RMI1: variants seen among roughly 807,000 people sequenced by gnomAD.
The protein encoded by RMI1 is RecQ mediated genome instability 1.
Under a neutral mutation model 46.7 loss-of-function variants are expected in RMI1, and 36 were observed. The ratio of observed to expected loss-of-function variants is 0.77; its 90% CI spans 0.59 to 1.02. The LOEUF (loss-of-function observed/expected upper bound fraction) is 1.02. Among genes scored for constraint, RMI1 ranks in the 50% least tolerant of loss-of-function variants. RMI1 has a pLI of 0.00. For missense variants in RMI1, 676 were observed against 713.7 expected (o/e 0.95, Z 0.60); for synonymous variants, 250 against 252.9 (o/e 0.99, Z 0.11).
At chr9:83,980,372 G>A (rs939058348), upstream of RMI1, 6 of 152,530 alleles carry the variant, frequency 3.9e-5, no homozygotes, top group Admixed American at 2.6e-4. Context: ...TCCCGCCAGC[G>A]CCTCCCTTCG....
intron 1 of RMI1, among the ~76,000 whole-genome samples, chr9:83,983,969 A>G (rs900540521): frequency 9.9e-5 from 15 of 152,028 alleles, no homozygotes; most frequent in African/African-American, 2.9e-4. Context: ...TGGTAGTGCT[A>G]TGTATTTAAC....
At position 84,001,187 on chromosome 9, in the gene RMI1, T is replaced by C; in HGVS notation, c.201T>C (p.Pro67=). The change falls in exon 3 of 3, where the codon CCT becomes CCC. Residue 67 remains proline (P), a synonymous_variant. Transcript: ENST00000445877. ...CTGATCTGAGGGATTTGGAGCATCC[T>C]CTTTTACCCGATGGCATTTTAGAAA... is the stretch of plus-strand genomic sequence containing the variant. ...LLTDLRDLEH[P]LLPDGILEIP... 6.2e-7 allele frequency: 1 copy of C among 1,614,150 alleles called. No individual in the cohort carries two copies. The highest frequency in any genetic ancestry group is 8.5e-7 in the Non-Finnish European group (1 of 1,179,992).
At position 84,002,764 on chromosome 9, in the gene RMI1, C is replaced by G. The variant is rs200851672; in HGVS notation, c.1778C>G (p.Thr593Ser). The G allele has an allele frequency of 3.7e-6, 6 of 1,613,218 alleles. No homozygotes were observed. Among genetic ancestry groups the G allele is most frequent in the Middle Eastern group, 3.3e-4 (2 of 6,046 alleles). Residue 593 changes from threonine to serine, a missense_variant, in exon 3 of 3, where the codon ACT becomes AGT. Coordinates refer to ENST00000445877, the MANE Select transcript of RMI1 (RefSeq NM_001358291.2). ...RDLIDLCCLM[T>S]ISFNPSLSKA... The stretch of plus-strand genomic sequence containing the variant: ...CTAATAGATTTGTGCTGTCTAATGA[C>G]TATTTCATTTAATCCTTCCTTGTCT...
intron 1 of RMI1, among the ~76,000 whole-genome samples, chr9:83,998,729 T>A (rs1040831873): frequency 1.3e-5 from 2 of 152,200 alleles, no homozygotes; most frequent in Non-Finnish European, 2.9e-5. Context: ...TTTTCAGGGT[T>A]TAAACCCCTA....
rs764367314 is a variant in RMI1, at chr9:84,002,741, A to C, written c.1755A>C (p.Leu585=). 3.7e-6 allele frequency: 6 copies of C among 1,613,890 alleles called. No homozygotes were observed. The Admixed American group carries it at 8.3e-5, about 22-fold the overall frequency. ...LEGLQKCQRD[L]IDLCCLMTIS... ...GGTTGCAGAAATGTCAAAGAGATCT[A>C]ATAGATTTGTGCTGTCTAATGACTA... The change falls in exon 3 of 3, where the codon CTA becomes CTC. Residue 585 remains leucine, a synonymous_variant. Coordinates refer to ENST00000445877, the MANE Select transcript of RMI1 (RefSeq NM_001358291.2).
chr9:83,987,962 T>G (rs1018485604), intron 1 of RMI1, among the ~76,000 whole-genome samples: 1 of 152,150 alleles, frequency 6.6e-6, no homozygotes, highest in Non-Finnish European at 1.5e-5. Flanking sequence ...CACGGCTCAC[T>G]GCAGCCTCAA....
At chr9:83,993,344 T>C (rs1957601410) in intron 1 of RMI1, among the ~76,000 whole-genome samples, 1 of 152,258 alleles carries the variant, frequency 6.6e-6, no homozygotes, top group African/African-American at 2.4e-5. Context: ...TCTTTTATAA[T>C]ACTGAACATT....
chr9:83,996,121 C>T (rs754144), intron 1 of RMI1, among the ~76,000 whole-genome samples: 47,559 of 151,910 alleles, frequency 0.31, 8,108 homozygotes, highest in East Asian at 0.48. Context: ...TGTGTTTTAC[C>T]CTTTTTGTGT....
intron 1 of RMI1, among the ~76,000 whole-genome samples, chr9:83,993,726 T>A (rs556696880): frequency 6.6e-6 from 1 of 152,220 alleles, no homozygotes; most frequent in African/African-American, 2.4e-5. Flanking sequence ...GTATTTCTTT[T>A]ATGATTAGTG....
intron 1 of RMI1, among the ~76,000 whole-genome samples, chr9:83,990,859 G>A (rs1392207641): frequency 6.6e-6 from 1 of 151,886 alleles, no homozygotes; most frequent in East Asian, 1.9e-4. Flanking sequence ...CCAGGCTGGA[G>A]TGCAATGGTA....
At chr9:83,990,829 C>T (rs527671095) in intron 1 of RMI1, among the ~76,000 whole-genome samples, 2 of 151,322 alleles carry the variant, frequency 1.3e-5, no homozygotes, top group African/African-American at 2.4e-5. Context: ...TTTTTTGAGA[C>T]GGAGTTTTGC....
intron 1 of RMI1, among the ~76,000 whole-genome samples, chr9:83,988,862 T>C (rs181197730): frequency 1.3e-5 from 2 of 152,222 alleles, no homozygotes; most frequent in South Asian, 2.1e-4. Flanking sequence ...TAGCCTTCTG[T>C]TTGTTTTTTT....
At position 84,001,018 on chromosome 9, in the gene RMI1, A is replaced by C; in HGVS notation, c.32A>C (p.Glu11Ala). 6.2e-7 allele frequency: 1 copy of C among 1,612,484 alleles called. No individual in the cohort carries two copies. The highest frequency in any genetic ancestry group is 1.1e-5 in the South Asian group (1 of 90,960). The change falls in exon 3 of 3, where the codon GAA (glutamate) becomes GCA (alanine). Residue 11 changes from glutamate (E) to alanine (A), a missense_variant. By Grantham distance (107) the Glu-to-Ala change is moderately radical. Transcript: ENST00000445877. MNVTSIALRA[E>A]TWLLAAWHVK... ...GTGACTAGTATTGCATTAAGAGCTG[A>C]AACTTGGCTTTTAGCTGCATGGCAT...
intron 1 of RMI1, among the ~76,000 whole-genome samples, chr9:83,984,879 T>C (rs1431100076): frequency 2.0e-5 from 3 of 152,210 alleles, no homozygotes; most frequent in South Asian, 2.1e-4. Flanking sequence ...TATCTTACTG[T>C]ATAATTTAAA....
intron 2 of RMI1, among the ~76,000 whole-genome samples, chr9:84,000,479 T>C (rs889484820): frequency 6.6e-5 from 10 of 152,120 alleles, no homozygotes; most frequent in Non-Finnish European, 2.9e-5. Context: ...AAAAATAATA[T>C]ATATTAAGTT....
intron 1 of RMI1, among the ~76,000 whole-genome samples, chr9:83,989,561 G>A (rs2133108741): frequency 6.6e-6 from 1 of 151,732 alleles, no homozygotes; most frequent in South Asian, 2.1e-4. Flanking sequence ...TGTACAGGTG[G>A]CCAACAGGTA....
rs932112252 is a variant in RMI1 at position 84,003,673 on chromosome 9, T to C, written c.*809T>C. 6.0e-6 allele frequency: 1 copy of C among 166,366 alleles called. No homozygotes were observed. Among genetic ancestry groups the C allele is most frequent in the Non-Finnish European group, 1.5e-5 (1 of 68,102 alleles). The allele number at this position is 166,366 out of a possible 1,614,324, so 10.3% of individuals were successfully genotyped here. A position where few individuals can be genotyped will look rare whatever the true frequency, so the allele number is the denominator to read the frequency against. Reference sequence around the variant, plus strand: ...CTGGTTTTTATTTTGCTGATTATAATATTTGGTATATTTAAGGTAATCTAG... The same window carrying C: ...CTGGTTTTTATTTTGCTGATTATAACATTTGGTATATTTAAGGTAATCTAG... On this transcript the variant is annotated 3_prime_UTR_variant, in exon 3 of 3. Transcript: ENST00000445877.
chr9:83,991,567 C>T (rs1957574534), intron 1 of RMI1, among the ~76,000 whole-genome samples: 1 of 152,176 alleles, frequency 6.6e-6, no homozygotes, highest in Admixed American at 6.5e-5. Flanking sequence ...ATGCTCCCAC[C>T]TTGGCCTCCC....
intron 1 of RMI1, among the ~76,000 whole-genome samples, chr9:83,988,323 A>G (rs1395856369): frequency 6.6e-6 from 1 of 152,094 alleles, no homozygotes; most frequent in African/African-American, 2.4e-5. Context: ...TTTTGTTTTG[A>G]AACAGGGTCT....
Sources: allele counts gnomAD v4.1 joint callset (sites outside exome capture counted in the v4.1 genomes callset), GRCh38; gene constraint gnomAD v4.1.1; transcripts MANE v1.5; gene names NCBI Gene and HGNC (gene_info 2026-07-23, HGNC 2026-07-21).